PHLDB3: variants seen among roughly 807,000 people sequenced by gnomAD.
PHLDB3 encodes the protein pleckstrin homology-like domain family B member 3.
In PHLDB3, 86 loss-of-function variants were observed where a neutral mutation model predicts 85.7. That is an observed-to-expected ratio of 1.00 (90% CI 0.84 to 1.20). The LOEUF is 1.20. Ranked by LOEUF, PHLDB3 falls within the 50% of genes most tolerant of loss-of-function variation. PHLDB3 has a pLI of 0.00. For synonymous variants in PHLDB3, 376 were observed against 349.8 expected, an observed-to-expected ratio of 1.07 and a Z score of -0.83; for missense variants, 995 against 873.0, an observed-to-expected ratio of 1.14 and a Z score of -1.76.
At chr19:43,499,025 G>A (rs1372415026) in intron 4 of PHLDB3, among the ~76,000 whole-genome samples, 1 of 152,092 alleles carries the variant, frequency 6.6e-6, no homozygotes, top group East Asian at 1.9e-4. Context: ...GGACTGAAAG[G>A]ATGGGGTAGG....
intron 9 of PHLDB3, among the ~76,000 whole-genome samples, chr19:43,493,994 C>T (rs1208674210): frequency 6.6e-6 from 1 of 152,036 alleles, no homozygotes. Flanking sequence ...TGTAGGCACT[C>T]AAAGAGTTTC....
At chr19:43,477,642 C>A (rs1208058203) in intron 15 of PHLDB3, among the ~76,000 whole-genome samples, 1 of 150,742 alleles carries the variant, frequency 6.6e-6, no homozygotes, top group Non-Finnish European at 1.5e-5. Flanking sequence ...CAGTGAAACC[C>A]CGTCTCTACT....
intron 15 of PHLDB3, among the ~76,000 whole-genome samples, chr19:43,476,286 T>C (rs1015600678): frequency 2.0e-5 from 3 of 152,186 alleles, no homozygotes; most frequent in African/African-American, 7.2e-5. Flanking sequence ...ATGTCCATAA[T>C]CTGTTTTTAG....
intron 15 of PHLDB3, among the ~76,000 whole-genome samples, chr19:43,477,123 C>T (rs1970943661): frequency 6.6e-6 from 1 of 152,190 alleles, no homozygotes; most frequent in Non-Finnish European, 1.5e-5. Context: ...CCTTTAGATG[C>T]TCCCAGGCTG....
chr19:43,480,508 A>G (rs950538165), intron 13 of PHLDB3, among the ~76,000 whole-genome samples: 1 of 152,060 alleles, frequency 6.6e-6, no homozygotes, highest in African/African-American at 2.4e-5. Flanking sequence ...CAGGAGGATC[A>G]CTTGAGCCCA....
In PHLDB3 at chr19:43,502,144, C is replaced by A. The variant is rs777500210; in HGVS notation, c.353G>T (p.Arg118Leu). 5 of 1,580,894 alleles carry A rather than the reference C, an allele frequency of 3.2e-6. No homozygotes were observed. In the East Asian group the frequency reaches 9.3e-5, roughly 29 times the overall value. ...CCTCTGGCGCTGTAGCTCCTTCACTCGCTGCTCCATCAGGGCCACACGAGT... is the reference window on the plus strand; with the variant it reads ...CCTCTGGCGCTGTAGCTCCTTCACTAGCTGCTCCATCAGGGCCACACGAGT... ...ALTRVALMEQ[R>L]VKELQRQRKE... is the part of the protein sequence containing the mutation. The change falls in exon 3 of 16, where the codon CGA becomes CTA. Residue 118 changes from arginine (R) to leucine (L), a missense_variant. Transcript: ENST00000292140.
In PHLDB3 at chr19:43,495,597, G is replaced by A. The variant is rs1468522741; in HGVS notation, c.849C>T (p.Ile283=). 6.2e-7 allele frequency: 1 copy of A among 1,609,966 alleles called. No individual in the cohort carries two copies. Among genetic ancestry groups the A allele is most frequent in the Non-Finnish European group, 8.5e-7 (1 of 1,178,368 alleles). The change falls in exon 7 of 16, where the codon ATC becomes ATT. Residue 283 remains isoleucine, a synonymous_variant. Transcript: ENST00000292140. ...QHRRGALQHR[I]RVLEEQLKSL... ...ACTTGAGCTGCTCTTCCAGGACCCG[G>A]ATCCGGTGCTGCAGAGCACCCCTCT... is the stretch of plus-strand genomic sequence containing the variant.
intron 14 of PHLDB3, 79 bp downstream of exon 14, chr19:43,479,298 C>A: frequency 7.0e-7 from 1 of 1,419,188 alleles, no homozygotes. Context: ...GGGGCCAGGA[C>A]TTCTGGTGCC....
intron 9 of PHLDB3, among the ~76,000 whole-genome samples, chr19:43,488,598 C>A (rs57419980): frequency 6.6e-6 from 1 of 152,070 alleles, no homozygotes; most frequent in Non-Finnish European, 1.5e-5. Context: ...TAAAAAAAAT[C>A]TGAATGACAA....
Position 43,475,377 on chromosome 19 carries a change from C to G in PHLDB3, c.*33G>C, listed in dbSNP as rs754005530. 6.2e-7 allele frequency: 1 copy of G among 1,608,242 alleles called. No homozygotes were observed. The highest frequency in any genetic ancestry group is 1.3e-5 in the African/African-American group (1 of 74,710). On this transcript the variant is annotated 3_prime_UTR_variant, in exon 16 of 16. Coordinates refer to ENST00000292140, the MANE Select transcript of PHLDB3 (RefSeq NM_198850.4). The stretch of plus-strand genomic sequence containing the variant: ...CCCGCGCCCCGCGCCGGCGGAGCCT[C>G]GAAGGGACTTCCCCCCAAGAGGGCG...
intron 8 of PHLDB3, 25 bp from the exon 9 acceptor site, chr19:43,494,840 G>T: frequency 6.4e-7 from 1 of 1,573,954 alleles, no homozygotes; most frequent in Non-Finnish European, 8.7e-7. Context: ...GTGAAGTTTC[G>T]TGGGAGCAGG....
chr19:43,498,453 AAAAGG>A (rs1490634203), intron 4 of PHLDB3, among the ~76,000 whole-genome samples: 3 of 151,348 alleles, frequency 2.0e-5, no homozygotes, highest in Admixed American at 6.6e-5. Context: ...AAAAAGAAAG[AAAAGG>A]AAAGGAGGAG....
chr19:43,486,833 C>T lies in PHLDB3; in HGVS notation c.1287G>A (p.Gly429=). ...GGTAGAGGGGGTATCTGCCGGAGTC[C>T]CCCACTGCTGGCGGGAGAGCTGAGG... The part of the protein sequence containing the change: ...LEASALPPAV[G]DSGRYPLYQL... The change falls in exon 11 of 16, where the codon GGG becomes GGA. Residue 429 remains glycine, a synonymous_variant. Transcript: ENST00000292140. 1 of 1,581,844 alleles carries T rather than the reference C, an allele frequency of 6.3e-7. No homozygotes were observed.
intron 10 of PHLDB3, 30 bp from the exon 11 acceptor site, chr19:43,486,900 T>C: frequency 1.3e-6 from 2 of 1,514,284 alleles, no homozygotes; most frequent in South Asian, 1.3e-5. Flanking sequence ...GTTACAGGGC[T>C]GGATACACCC....
intron 4 of PHLDB3, 189 bp downstream of exon 4, chr19:43,501,545 G>C (rs1468862174): frequency 9.1e-7 from 1 of 1,102,052 alleles, no homozygotes. Flanking sequence ...CAAAGGAAGA[G>C]CCCCAAAAAT....
chr19:43,503,059 T>C (rs1971655361), intron 2 of PHLDB3, among the ~76,000 whole-genome samples: 1 of 152,160 alleles, frequency 6.6e-6, no homozygotes, highest in Non-Finnish European at 1.5e-5. Context: ...CTCGAGGTTT[T>C]TGTCTATTTG....
At chr19:43,480,797 A>T (rs2599439) in intron 13 of PHLDB3, among the ~76,000 whole-genome samples, 52,131 of 151,996 alleles carry the variant, frequency 0.34, 9,313 homozygotes, top group African/African-American at 0.44. Flanking sequence ...TCACACAGCC[A>T]GAGCTGACAG....
chr19:43,476,052 C>T (rs1568471005), intron 15 of PHLDB3, among the ~76,000 whole-genome samples: 1 of 152,204 alleles, frequency 6.6e-6, no homozygotes, highest in Non-Finnish European at 1.5e-5. Context: ...GCTTCGGCCT[C>T]CCAGAGTGCT....
intron 9 of PHLDB3, among the ~76,000 whole-genome samples, chr19:43,487,591 A>AAAAAC (rs1167897767): frequency 4.3e-5 from 5 of 115,812 alleles, no homozygotes; most frequent in Admixed American, 1.6e-4. Flanking sequence ...AAAAAAAAAA[A>AAAAAC]ACACAGAAAA....
Sources: gnomAD v4.1 joint callset for allele counts (sites outside exome capture counted in the v4.1 genomes callset) on GRCh38, gnomAD v4.1.1 for gene constraint, MANE v1.5 for transcripts, NCBI Gene and HGNC (gene_info 2026-07-23, HGNC 2026-07-21) for gene names.